Variants in ZNF346 observed in about 807,000 individuals in gnomAD.
ZNF346 encodes double-stranded RNA-binding zinc finger protein JAZ.
A neutral mutation model predicts 33.7 loss-of-function variants in ZNF346; 23 were observed. That is an observed-to-expected ratio of 0.68 (90% confidence interval 0.49 to 0.97). The LOEUF (loss-of-function observed/expected upper bound fraction) is 0.97, where lower values mean the gene tolerates loss of function less well. Ranked by LOEUF, ZNF346 falls within the 50% of genes least tolerant of loss-of-function variation. The pLI is 0.00. For missense variants in ZNF346, 340 were observed against 371.1 expected, an observed-to-expected ratio of 0.92 and a Z score of 0.69; for synonymous variants, 134 against 142.4, an observed-to-expected ratio of 0.94 and a Z score of 0.42.
chr5:177,043,032 A>G (rs1299170726), intron 3 of ZNF346, among the ~76,000 whole-genome samples: 1 of 152,146 alleles, frequency 6.6e-6, no homozygotes, highest in African/African-American at 2.4e-5. Context: ...TTGTATTTTT[A>G]GTAGAGATAG....
intron 1 of ZNF346, among the ~76,000 whole-genome samples, chr5:177,025,936 C>G (rs771503378): frequency 2.6e-5 from 4 of 151,926 alleles, no homozygotes; most frequent in Non-Finnish European, 4.4e-5. Flanking sequence ...TCTAAGAACT[C>G]TTTATCTTAA....
Position 177,067,479 on chromosome 5 carries a change from C to G in ZNF346, c.*2880C>G, listed in dbSNP as rs1201421007. On this transcript the variant is annotated 3_prime_UTR_variant, in exon 7 of 7. Transcript: ENST00000358149. The stretch of plus-strand genomic sequence containing the variant: ...GCCTCAGCAATTCCCCAGAGTCCTT[C>G]TAAGCCACCTAGTATGTCAGATTCA... 6.6e-6 allele frequency among the ~76,000 whole-genome samples: 1 copy of G among 152,172 alleles called. No homozygotes were observed. Among genetic ancestry groups the G allele is most frequent in the Admixed American group, 6.6e-5 (1 of 15,260 alleles).
rs1782976511 is a variant in ZNF346 at position 177,064,638 on chromosome 5, G to A, written c.*39G>A. The A allele has an allele frequency of 1.3e-6, 2 of 1,546,424 alleles. No individual in the cohort carries two copies. The highest frequency in any genetic ancestry group is 1.1e-5 in the South Asian group (1 of 89,862). On this transcript the variant is annotated 3_prime_UTR_variant, in exon 7 of 7. Coordinates refer to ENST00000358149, the MANE Select transcript of ZNF346 (RefSeq NM_012279.4). ...CAGCATCCCATATTGGGCCAGCCAT[G>A]AGCCAGCTTCCCGTGACTGCTCAGC...
chr5:177,033,315 G>C (rs1045309667), intron 1 of ZNF346, among the ~76,000 whole-genome samples: 5 of 152,258 alleles, frequency 3.3e-5, no homozygotes, highest in Admixed American at 6.5e-5. Context: ...CTGGCATCAA[G>C]CAATCCTCTA....
At chr5:177,064,039 C>A (rs895870016) in intron 6 of ZNF346, among the ~76,000 whole-genome samples, 3 of 152,146 alleles carry the variant, frequency 2.0e-5, no homozygotes, top group African/African-American at 7.2e-5. Context: ...CCAAAGAAAG[C>A]CTAATTATCA....
At chr5:177,034,241 T>C (rs1778150672) in intron 1 of ZNF346, among the ~76,000 whole-genome samples, 1 of 149,072 alleles carries the variant, frequency 6.7e-6, no homozygotes, top group Non-Finnish European at 1.5e-5. Flanking sequence ...GGTCTTGCAG[T>C]GTCACCCAGG....
At chr5:177,036,605 G>A (rs1450616507) in intron 1 of ZNF346, among the ~76,000 whole-genome samples, 1 of 152,056 alleles carries the variant, frequency 6.6e-6, no homozygotes, top group Non-Finnish European at 1.5e-5. Flanking sequence ...TCAGGTCTCC[G>A]CTGTCACACA....
intron 5 of ZNF346, among the ~76,000 whole-genome samples, chr5:177,059,767 T>C (rs898208318): frequency 6.6e-6 from 1 of 152,180 alleles, no homozygotes; most frequent in African/African-American, 2.4e-5. Context: ...CAATAAGTAT[T>C]TATTGGACTT....
chr5:177,048,404 C>T (rs1314360801), intron 4 of ZNF346, among the ~76,000 whole-genome samples: 2 of 152,122 alleles, frequency 1.3e-5, no homozygotes, highest in Non-Finnish European at 2.9e-5. Flanking sequence ...GGTGGATCAC[C>T]TGAGGTCAGG....
At chr5:177,034,203 C>CT (rs34082036) in intron 1 of ZNF346, among the ~76,000 whole-genome samples, 40,835 of 142,754 alleles carry the variant, frequency 0.29, 5,659 homozygotes, top group Middle Eastern at 0.35. Context: ...TCCTTTCTTT[C>CT]TTTTTTTTTT....
intron 1 of ZNF346, among the ~76,000 whole-genome samples, chr5:177,035,522 G>A (rs1052408901): frequency 2.0e-5 from 3 of 150,770 alleles, no homozygotes; most frequent in African/African-American, 7.3e-5. Context: ...GTGCAATGGC[G>A]CAATCTTGGC....
At chr5:177,044,197 A>C (rs920347004) in intron 3 of ZNF346, 192 bp from the exon 4 acceptor site, 3 of 586,220 alleles carry the variant, frequency 5.1e-6, no homozygotes, top group African/African-American at 3.8e-5. Context: ...GCAAGGAAGC[A>C]TCAGAGAATA....
chr5:177,041,189 C>T lies in ZNF346; in HGVS notation c.239C>T (p.Ala80Val), dbSNP rs574967019. 6.2e-7 allele frequency: 1 copy of T among 1,614,200 alleles called. No individual in the cohort carries two copies. Among genetic ancestry groups the T allele is most frequent in the African/African-American group, 1.3e-5 (1 of 75,040 alleles). The change falls in exon 2 of 7, where the codon GCC becomes GTC. Residue 80 changes from alanine to valine, a missense_variant. Transcript: ENST00000358149. ...FTNTQCKVCC[A>V]LLISESQKLA... ...AACACCCAGTGTAAGGTTTGCTGCGCCTTGCTTATTTCTGAGTCCCAGAAG... is the reference window on the plus strand; with the variant it reads ...AACACCCAGTGTAAGGTTTGCTGCGTCTTGCTTATTTCTGAGTCCCAGAAG...
In ZNF346 at chr5:177,077,263, C is replaced by G. The variant is rs1177212407; in HGVS notation, c.*3-2119C>G. Among the ~76,000 whole-genome samples the G allele has an allele frequency of 1.3e-5, 2 of 152,080 alleles. No individual in the cohort carries two copies. The highest frequency in any genetic ancestry group is 4.8e-5 in the African/African-American group (2 of 41,426). On this transcript the variant is annotated intron_variant, in intron 8 of 8. Coordinates refer to the ZNF346 transcript ENST00000503039. The surrounding 1 kb of genome is among the most constrained non-coding windows in gnomAD (Gnocchi z 5.0). The stretch of plus-strand genomic sequence containing the variant: ...CAGGATGAATTTGCTGCCATGTAAA[C>G]AAATGAGTACTATGGCCAAAGAGCC...
intron 4 of ZNF346, among the ~76,000 whole-genome samples, chr5:177,049,530 C>T (rs1267872111): frequency 6.6e-6 from 1 of 152,218 alleles, no homozygotes; most frequent in Non-Finnish European, 1.5e-5. Flanking sequence ...GCACAAGAGG[C>T]TCGCATGTAT....
intron 4 of ZNF346, among the ~76,000 whole-genome samples, chr5:177,045,972 G>A (rs1025409783): frequency 1.1e-4 from 16 of 152,084 alleles, no homozygotes; most frequent in South Asian, 1.0e-3. Flanking sequence ...CTACTTCATC[G>A]GTTGTGAGGA....
intron 2 of ZNF346, 21 bp downstream of exon 2, chr5:177,041,250 A>T: frequency 6.3e-7 from 1 of 1,594,970 alleles, no homozygotes; most frequent in South Asian, 1.1e-5. Flanking sequence ...ATACTTTTAG[A>T]ACTGCGTTTC....
At chr5:177,045,897 T>C (rs1195390186) in intron 4 of ZNF346, among the ~76,000 whole-genome samples, 6 of 152,214 alleles carry the variant, frequency 3.9e-5, no homozygotes, top group African/African-American at 1.2e-4. Context: ...AGCCTGGCAC[T>C]GTTACTGTTT....
At chr5:177,063,596 G>A (rs1234226593) in intron 6 of ZNF346, among the ~76,000 whole-genome samples, 3 of 152,040 alleles carry the variant, frequency 2.0e-5, no homozygotes, top group Admixed American at 2.0e-4. Flanking sequence ...GCCCCTCCCT[G>A]GGGCTACCCA....
Sources: allele counts gnomAD v4.1 joint callset (sites outside exome capture counted in the v4.1 genomes callset), GRCh38; gene constraint gnomAD v4.1.1; non-coding constraint Gnocchi (gnomAD v3.1); transcripts MANE v1.5; gene names NCBI Gene and HGNC (gene_info 2026-07-23, HGNC 2026-07-21).